BLM: variants seen among roughly 807,000 people sequenced by gnomAD.
The protein encoded by BLM is recQ-like DNA helicase BLM.
BLM carries 95 observed loss-of-function variants against 135.3 expected under a neutral mutation model. The observed-to-expected ratio is 0.70, with a 90% confidence interval of 0.59 to 0.83. The LOEUF (loss-of-function observed/expected upper bound fraction) is 0.83, where lower values mean the gene tolerates loss of function less well. Ranked by LOEUF, BLM falls within the 40% of genes least tolerant of loss-of-function variation. The pLI, the probability that BLM is intolerant of heterozygous loss-of-function variation, is 0.00. For synonymous variants in BLM, 520 were observed against 589.2 expected, an observed-to-expected ratio of 0.88 and a Z score of 1.70; for missense variants, 1,518 against 1,663.9, an observed-to-expected ratio of 0.91 and a Z score of 1.53.
chr15:90,791,178 T>G (rs375513840), intron 15 of BLM, among the ~76,000 whole-genome samples: 2 of 152,138 alleles, frequency 1.3e-5, no homozygotes, highest in Admixed American at 6.6e-5. Flanking sequence ...TAACACATAT[T>G]TCAAACATGC....
intron 6 of BLM, 47 bp from the exon 7 acceptor site, chr15:90,760,547 G>T: frequency 6.5e-7 from 1 of 1,545,660 alleles, no homozygotes; most frequent in South Asian, 1.2e-5. Context: ...TGGCCTACCA[G>T]AGTAAACTAC....
At chr15:90,779,034 C>T (rs369421826) in intron 12 of BLM, among the ~76,000 whole-genome samples, 1 of 151,912 alleles carries the variant, frequency 6.6e-6, no homozygotes, top group Admixed American at 6.6e-5. Flanking sequence ...TACAGGTGTG[C>T]GCCACCACGC....
At chr15:90,769,374 T>C in intron 11 of BLM, 64 bp from the exon 12 acceptor site, 1 of 1,592,452 alleles carries the variant, frequency 6.3e-7, no homozygotes, top group Non-Finnish European at 8.6e-7. Context: ...CATTGAGCAG[T>C]GTTGGCTTTT....
At chr15:90,785,331 G>T (rs1205251932) in intron 14 of BLM, among the ~76,000 whole-genome samples, 1 of 151,902 alleles carries the variant, frequency 6.6e-6, no homozygotes, top group African/African-American at 2.4e-5. Context: ...GTACTTTTTA[G>T]TTTATTTGCA....
At chr15:90,797,032 T>G (rs186969004) in intron 16 of BLM, among the ~76,000 whole-genome samples, 20 of 152,178 alleles carry the variant, frequency 1.3e-4, no homozygotes, top group Admixed American at 7.9e-4. Flanking sequence ...GGCTGATGTA[T>G]GTGGAGGACA....
At chr15:90,801,336 A>G (rs1897161767) in intron 17 of BLM, among the ~76,000 whole-genome samples, 2 of 152,338 alleles carry the variant, frequency 1.3e-5, no homozygotes, top group East Asian at 1.9e-4. Context: ...ACAAGGTTAC[A>G]GGACAGAACA....
chr15:90,766,720 G>A (rs1896137980), intron 9 of BLM, among the ~76,000 whole-genome samples, 190 bp from the exon 10 acceptor site: 3 of 152,160 alleles, frequency 2.0e-5, no homozygotes, highest in Non-Finnish European at 1.5e-5. Context: ...GAGCCACCAC[G>A]CCCTGCCTGA....
intron 14 of BLM, among the ~76,000 whole-genome samples, chr15:90,789,678 C>T (rs945898580): frequency 2.6e-5 from 4 of 152,124 alleles, no homozygotes; most frequent in Non-Finnish European, 5.9e-5. Context: ...GCAGTTCCTT[C>T]CGCTGGTACT....
intron 6 of BLM, 64 bp downstream of exon 6, chr15:90,760,343 T>G (rs1895939973): frequency 1.2e-6 from 2 of 1,600,382 alleles, no homozygotes; most frequent in Admixed American, 3.3e-5. Flanking sequence ...AAGTGAAAAA[T>G]GGACAGGGCA....
At chr15:90,804,616 A>G (rs1897247056) in intron 19 of BLM, among the ~76,000 whole-genome samples, 1 of 152,056 alleles carries the variant, frequency 6.6e-6, no homozygotes, top group South Asian at 2.1e-4. Flanking sequence ...GGTACACACC[A>G]GCATGCCCAG....
Position 90,760,966 on chromosome 15 carries a change from A to G in BLM, c.1593A>G (p.Lys531=). The change falls in exon 7 of 22, where the codon AAA becomes AAG. Residue 531 remains lysine, a synonymous_variant. Coordinates refer to ENST00000355112, the MANE Select transcript of BLM (RefSeq NM_000057.4). ...PGNVLTSTAV[K]DQNKHTASIN... is the part of the protein sequence containing the mutation. ...ATGTTCTCACAAGCACTGCTGTGAA[A>G]GATCAGAATAAACATACTGCTTCAA... The G allele has an allele frequency of 1.2e-6, 2 of 1,614,108 alleles. No homozygotes were observed. Among genetic ancestry groups the G allele is most frequent in the Non-Finnish European group, 1.7e-6 (2 of 1,180,032 alleles).
At chr15:90,771,781 C>T (rs1382711767) in intron 12 of BLM, among the ~76,000 whole-genome samples, 1 of 151,874 alleles carries the variant, frequency 6.6e-6, no homozygotes, top group Non-Finnish European at 1.5e-5. Flanking sequence ...TGGCAAATGC[C>T]TATAGTTAAA....
intron 2 of BLM, chr15:90,747,787 G>A (rs192349344): frequency 2.4e-5 from 8 of 333,570 alleles, no homozygotes; most frequent in South Asian, 2.3e-4. Context: ...GTTTTGGGGG[G>A]TTTTTTTGTT....
rs146096923 is a variant in BLM, at chr15:90,751,870, G to T, written c.883G>T (p.Asp295Tyr). Reference protein sequence around the residue: ...KVPCIEFDDDDYDTDFVPPSP... With the variant: ...KVPCIEFDDDYYDTDFVPPSP... ...TCCATGTATTGAATTTGATGATGATGATTATGATACGGATTTTGTTCCACC... is the reference window on the plus strand; with the variant it reads ...TCCATGTATTGAATTTGATGATGATTATTATGATACGGATTTTGTTCCACC... Residue 295 changes from aspartate (D) to tyrosine (Y), a missense_variant, in exon 4 of 22, where the codon GAT becomes TAT. By Grantham distance (160) the Asp-to-Tyr change is radical. Coordinates refer to ENST00000355112, the MANE Select transcript of BLM (RefSeq NM_000057.4). 3.7e-6 allele frequency: 6 copies of T among 1,612,464 alleles called. No individual in the cohort carries two copies. The African/African-American group carries it at 6.7e-5, about 18-fold the overall frequency.
chr15:90,763,533 A>G (rs1041554641), intron 8 of BLM, among the ~76,000 whole-genome samples: 1 of 152,194 alleles, frequency 6.6e-6, no homozygotes, highest in Non-Finnish European at 1.5e-5. Context: ...GTTAAATCAT[A>G]TATGCATATA....
chr15:90,730,586 C>T (rs999791900), intron 1 of BLM, among the ~76,000 whole-genome samples: 1 of 151,852 alleles, frequency 6.6e-6, no homozygotes, highest in Non-Finnish European at 1.5e-5. Context: ...GTAGCTGAGA[C>T]TAGAGGCTGC....
At chr15:90,734,682 C>G (rs982195457) in intron 1 of BLM, among the ~76,000 whole-genome samples, 10 of 128,070 alleles carry the variant, frequency 7.8e-5, no homozygotes, top group Middle Eastern at 7.5e-3. Flanking sequence ...CACGCACACA[C>G]ACACACACAC....
intron 12 of BLM, among the ~76,000 whole-genome samples, chr15:90,772,505 G>T (rs1896349747): frequency 6.6e-6 from 1 of 152,170 alleles, no homozygotes; most frequent in Non-Finnish European, 1.5e-5. Flanking sequence ...CAAAAGCAAG[G>T]TAGGTACTCC....
chr15:90,739,843 G>A (rs771202594), intron 1 of BLM, among the ~76,000 whole-genome samples: 11 of 152,218 alleles, frequency 7.2e-5, no homozygotes, highest in East Asian at 3.9e-4. Flanking sequence ...ACAGCTCACT[G>A]CAGCCTCGAC....
Sources: allele counts gnomAD v4.1 joint callset (sites outside exome capture counted in the v4.1 genomes callset), GRCh38; gene constraint gnomAD v4.1.1; transcripts MANE v1.5; gene names NCBI Gene and HGNC (gene_info 2026-07-23, HGNC 2026-07-21).